Variants in SMYD3 observed in about 807,000 individuals in gnomAD.
SMYD3 encodes the protein SET and MYND domain containing 3.
Under a neutral mutation model 57.7 loss-of-function variants are expected in SMYD3, and 36 were observed. That is an observed-to-expected ratio of 0.62 (90% CI 0.48 to 0.82). SMYD3 has a LOEUF of 0.82. SMYD3 is among the 40% of genes least tolerant of loss of function. The pLI, the probability that SMYD3 is intolerant of heterozygous loss-of-function variation, is 0.00. For synonymous variants in SMYD3, 211 were observed against 195.0 expected, an observed-to-expected ratio of 1.08 and a Z score of -0.68; for missense variants, 515 against 538.8, an observed-to-expected ratio of 0.96 and a Z score of 0.44.
At chr1:246,397,064 AC>A (rs1403465700) in intron 1 of SMYD3, among the ~76,000 whole-genome samples, 1 of 152,172 alleles carries the variant, frequency 6.6e-6, no homozygotes, top group Non-Finnish European at 1.5e-5. Flanking sequence ...GGAAAACTGT[AC>A]CATCTCTTTG....
intron 5 of SMYD3, among the ~76,000 whole-genome samples, chr1:246,060,725 G>A (rs1200415819): frequency 6.6e-6 from 1 of 151,988 alleles, no homozygotes; most frequent in Non-Finnish European, 1.5e-5. Context: ...TAATCACTCA[G>A]CTCCCATAAA....
chr1:246,043,070 C>T (rs1335463516), intron 5 of SMYD3, among the ~76,000 whole-genome samples: 1 of 152,132 alleles, frequency 6.6e-6, no homozygotes, highest in African/African-American at 2.4e-5. Context: ...TTATCCCCAC[C>T]TCTATCTACA....
At chr1:246,364,458 C>T (rs2148720477) in intron 1 of SMYD3, among the ~76,000 whole-genome samples, 1 of 152,240 alleles carries the variant, frequency 6.6e-6, no homozygotes, top group East Asian at 1.9e-4. Flanking sequence ...AAATTTGAAA[C>T]AGTTCTGTAT....
chr1:245,841,280 A>C (rs1343533241), intron 10 of SMYD3, among the ~76,000 whole-genome samples: 1 of 152,246 alleles, frequency 6.6e-6, no homozygotes, highest in Admixed American at 6.5e-5. Context: ...AGAAAATTAA[A>C]TAGCCAAAAA....
chr1:246,274,924 C>T (rs1338241530), intron 5 of SMYD3, among the ~76,000 whole-genome samples: 1 of 152,102 alleles, frequency 6.6e-6, no homozygotes, highest in Admixed American at 6.5e-5. Context: ...TCTTTACAAT[C>T]GTATTTTTAT....
chr1:246,046,993 G>T (rs911660277), intron 5 of SMYD3, among the ~76,000 whole-genome samples: 1 of 151,946 alleles, frequency 6.6e-6, no homozygotes, highest in Admixed American at 6.6e-5. Flanking sequence ...ATTATTGAAA[G>T]ATATAAAATA....
chr1:245,949,666 A>G (rs2057550208), intron 5 of SMYD3, among the ~76,000 whole-genome samples: 1 of 152,068 alleles, frequency 6.6e-6, no homozygotes, highest in Admixed American at 6.5e-5. Context: ...AAAATTAGCC[A>G]GGCGTGGTGG....
chr1:245,796,756 T>C (rs2047539353), intron 10 of SMYD3, among the ~76,000 whole-genome samples: 1 of 152,178 alleles, frequency 6.6e-6, no homozygotes. Context: ...TCCACAGCCA[T>C]AGTCTCCGCA....
chr1:245,945,050 G>C (rs12026394), intron 5 of SMYD3, among the ~76,000 whole-genome samples: 1 of 151,892 alleles, frequency 6.6e-6, no homozygotes, highest in Non-Finnish European at 1.5e-5. Flanking sequence ...AAAAAATCTC[G>C]GCAATACCAT....
At chr1:245,792,465 C>T (rs190364659) in intron 10 of SMYD3, among the ~76,000 whole-genome samples, 2 of 152,266 alleles carry the variant, frequency 1.3e-5, no homozygotes, top group Admixed American at 6.5e-5. Flanking sequence ...CCACAATAGA[C>T]TCCAAAAACA....
At chr1:245,901,983 G>A (rs1319574012) in intron 8 of SMYD3, among the ~76,000 whole-genome samples, 1 of 152,118 alleles carries the variant, frequency 6.6e-6, no homozygotes, top group Non-Finnish European at 1.5e-5. Flanking sequence ...CATTCATGCT[G>A]CATTCTAGTC....
chr1:245,992,589 G>A (rs879068922), intron 5 of SMYD3, among the ~76,000 whole-genome samples: 5 of 104,008 alleles, frequency 4.8e-5, no homozygotes, highest in South Asian at 4.5e-4. Context: ...CTAGAATGGC[G>A]GTCATGGGGC....
intron 1 of SMYD3, among the ~76,000 whole-genome samples, chr1:246,493,241 G>C (rs2068298854): frequency 6.6e-6 from 1 of 151,710 alleles, no homozygotes; most frequent in East Asian, 1.9e-4. Context: ...GAGGTAGGAG[G>C]ATCACTTGAG....
chr1:246,296,999 A>G (rs2064807461), intron 5 of SMYD3, among the ~76,000 whole-genome samples: 1 of 152,168 alleles, frequency 6.6e-6, no homozygotes, highest in Non-Finnish European at 1.5e-5. Context: ...GATTTGAGGA[A>G]AGTGCTAGAT....
At position 245,872,348 on chromosome 1, in the gene SMYD3, G is replaced by T. The variant is rs368608807; in HGVS notation, c.814-8462C>A. ...ATCCTCGCAAGAGCCCAAAGTTCCC[G>T]CCTCCTGCTGCTTCACCCATCTCCT... is the stretch of plus-strand genomic sequence containing the variant. On this transcript the variant is annotated intron_variant, in intron 8 of 11. Transcript: ENST00000490107. Among the ~76,000 whole-genome samples, 402 of 152,136 alleles carry T rather than the reference G, an allele frequency of 2.6e-3. 4 individuals are homozygous for T. The highest frequency in any genetic ancestry group is 9.1e-3 in the African/African-American group (376 of 41,514).
At chr1:246,213,995 A>G (rs1326913300) in intron 5 of SMYD3, among the ~76,000 whole-genome samples, 1 of 152,188 alleles carries the variant, frequency 6.6e-6, no homozygotes, top group African/African-American at 2.4e-5. Flanking sequence ...TCGTAACACC[A>G]AAAGCTCCCT....
intron 5 of SMYD3, among the ~76,000 whole-genome samples, chr1:246,247,444 ACTCT>A (rs143476169): frequency 0.02 from 2,912 of 142,820 alleles, 69 homozygotes; most frequent in Non-Finnish European, 0.024. Context: ...GAGAAGGATA[ACTCT>A]CTCTCTCTCT....
At chr1:245,892,006 C>T (rs1481006146) in intron 8 of SMYD3, among the ~76,000 whole-genome samples, 1 of 152,130 alleles carries the variant, frequency 6.6e-6, no homozygotes, top group Admixed American at 6.5e-5. Context: ...GCACTTCAGC[C>T]TGGGCGAAAG....
At chr1:246,035,692 C>T (rs1418733772) in intron 5 of SMYD3, 1 of 152,178 alleles carries the variant, frequency 6.6e-6, no homozygotes, top group African/African-American at 2.4e-5. Context: ...TTTCCTGCTG[C>T]AAAGCAATTA....
Sources: gnomAD v4.1 joint callset for allele counts (sites outside exome capture counted in the v4.1 genomes callset) on GRCh38, gnomAD v4.1.1 for gene constraint, MANE v1.5 for transcripts, NCBI Gene and HGNC (gene_info 2026-07-23, HGNC 2026-07-21) for gene names.